The following PARN variants were observed in gnomAD, a reference collection of about 807,000 sequenced individuals.
The protein encoded by PARN is poly(A)-specific ribonuclease, also known as poly(A)-specific ribonuclease PARN.
A neutral mutation model predicts 102.8 loss-of-function variants in PARN; 71 were observed. The observed-to-expected ratio is 0.69, with a 90% CI of 0.57 to 0.84. The LOEUF is 0.84. Ranked by LOEUF, PARN falls within the 40% of genes least tolerant of loss-of-function variation. The pLI is 0.00. For missense variants in PARN, 782 were observed against 760.9 expected (o/e 1.03, Z -0.33); for synonymous variants, 261 against 252.9 (o/e 1.03, Z -0.30).
chr16:14,480,542 G>T (rs1187342730), intron 22 of PARN, among the ~76,000 whole-genome samples: 1 of 152,150 alleles, frequency 6.6e-6, no homozygotes, highest in African/African-American at 2.4e-5. Context: ...CCACCTCATT[G>T]GTCAACAAGA....
intron 22 of PARN, among the ~76,000 whole-genome samples, chr16:14,470,703 C>T (rs941779692): frequency 6.6e-6 from 1 of 152,118 alleles, no homozygotes; most frequent in Non-Finnish European, 1.5e-5. Flanking sequence ...AAGTGATCTG[C>T]CCATCTCAGC....
At chr16:14,516,822 T>C (rs768270267) in intron 21 of PARN, among the ~76,000 whole-genome samples, 6 of 152,232 alleles carry the variant, frequency 3.9e-5, no homozygotes, top group Non-Finnish European at 7.3e-5. Flanking sequence ...ATGATGGTTA[T>C]AAGCGTTAGC....
intron 6 of PARN, among the ~76,000 whole-genome samples, chr16:14,616,862 G>A (rs921807259): frequency 1.8e-4 from 27 of 152,072 alleles, no homozygotes; most frequent in African/African-American, 6.0e-4. Context: ...AGCATCAGTG[G>A]AATACAGGAC....
chr16:14,483,351 G>A (rs1044898755), intron 21 of PARN, among the ~76,000 whole-genome samples: 4 of 152,090 alleles, frequency 2.6e-5, no homozygotes, highest in African/African-American at 4.8e-5. Context: ...TTCATAGTAC[G>A]CTTGCAAGAG....
chr16:14,615,232 T>C (rs1181558839), intron 6 of PARN, among the ~76,000 whole-genome samples: 1 of 150,754 alleles, frequency 6.6e-6, no homozygotes, highest in Non-Finnish European at 1.5e-5. Flanking sequence ...GTGACTAAAA[T>C]ATTCCAGGGC....
intron 18 of PARN, among the ~76,000 whole-genome samples, chr16:14,564,710 T>C (rs1296123877): frequency 3.9e-5 from 6 of 152,184 alleles, no homozygotes; most frequent in Non-Finnish European, 8.8e-5. Context: ...TTCTGGTCTC[T>C]CTTCCTAGCA....
At chr16:14,597,713 T>G (rs115849968) in intron 12 of PARN, among the ~76,000 whole-genome samples, 2,126 of 151,054 alleles carry the variant, frequency 0.014, 44 homozygotes, top group African/African-American at 0.046. Context: ...AAAAAAAAAA[T>G]TGATCGACAT....
intron 18 of PARN, among the ~76,000 whole-genome samples, chr16:14,575,522 A>G (rs905329940): frequency 2.0e-5 from 3 of 152,194 alleles, no homozygotes; most frequent in African/African-American, 4.8e-5. Flanking sequence ...CACACAGGTA[A>G]TAAGAGCCTG....
chr16:14,594,554 A>C (rs1223665762), intron 12 of PARN, among the ~76,000 whole-genome samples: 1 of 152,160 alleles, frequency 6.6e-6, no homozygotes, highest in African/African-American at 2.4e-5. Flanking sequence ...GTATCTACTA[A>C]AAACACAAAA....
Position 14,584,780 on chromosome 16 carries a change from G to C in PARN, c.974C>G (p.Thr325Ser), listed in dbSNP as rs1421280930. 6.4e-7 allele frequency: 1 copy of C among 1,555,320 alleles called. No individual in the cohort carries two copies. The change falls in exon 15 of 24, where the codon ACT (threonine) becomes AGT (serine). Residue 325 changes from threonine to serine, a missense_variant. By Grantham distance (58) the Thr-to-Ser change is moderately conservative. Transcript: ENST00000437198. ...AGGTTGTGTGCTGGCCATCAATTTA[G>C]TATCCAAGAGTCTAAAAAGAATTTT... ...TTCVFPRLLD[T>S]KLMASTQPFK...
intron 21 of PARN, among the ~76,000 whole-genome samples, chr16:14,490,800 T>A (rs1964016529): frequency 6.6e-6 from 1 of 152,158 alleles, no homozygotes; most frequent in Non-Finnish European, 1.5e-5. Context: ...TTTTTCATAT[T>A]CCATAAAGTT....
chr16:14,604,305 G>C, intron 10 of PARN, 79 bp from the exon 11 acceptor site: 1 of 875,906 alleles, frequency 1.1e-6, no homozygotes, highest in Non-Finnish European at 1.8e-6. Context: ...TTGTTGCTCA[G>C]GCTGGAGTGC....
chr16:14,568,966 C>G (rs1037478145), intron 18 of PARN, among the ~76,000 whole-genome samples: 3 of 151,950 alleles, frequency 2.0e-5, no homozygotes, highest in Non-Finnish European at 4.4e-5. Context: ...AAACCCAACA[C>G]TTTGAGAGGC....
chr16:14,548,291 C>G (rs1412624960), intron 21 of PARN, among the ~76,000 whole-genome samples: 2 of 151,268 alleles, frequency 1.3e-5, no homozygotes, highest in Non-Finnish European at 3.0e-5. Context: ...CATCAGATAC[C>G]CTGGGTCCTT....
At chr16:14,525,153 G>T (rs1417762141) in intron 21 of PARN, among the ~76,000 whole-genome samples, 3 of 152,134 alleles carry the variant, frequency 2.0e-5, no homozygotes, top group Non-Finnish European at 4.4e-5. Context: ...CTAAGAAAAA[G>T]ATCCGGATTA....
At chr16:14,444,838 G>C (rs1416035713) in intron 23 of PARN, among the ~76,000 whole-genome samples, 1 of 152,102 alleles carries the variant, frequency 6.6e-6, no homozygotes, top group Non-Finnish European at 1.5e-5. Context: ...TTCTTTTCTT[G>C]AGACAAGGTC....
chr16:14,564,520 C>A (rs538890896), intron 18 of PARN, among the ~76,000 whole-genome samples: 30 of 152,312 alleles, frequency 2.0e-4, no homozygotes, highest in African/African-American at 6.7e-4. Context: ...GGCACACCTG[C>A]TCCCACACAC....
chr16:14,505,756 C>T (rs1964861230), intron 21 of PARN, among the ~76,000 whole-genome samples: 1 of 152,126 alleles, frequency 6.6e-6, no homozygotes, highest in South Asian at 2.1e-4. Context: ...AAAATAATAT[C>T]AACCAATTAA....
chr16:14,502,430 T>C (rs914785007), intron 21 of PARN, among the ~76,000 whole-genome samples: 3 of 152,050 alleles, frequency 2.0e-5, no homozygotes, highest in African/African-American at 7.2e-5. Context: ...TGTACACACA[T>C]GTGTGAACAC....
Sources: allele counts gnomAD v4.1 joint callset (sites outside exome capture counted in the v4.1 genomes callset), GRCh38; gene constraint gnomAD v4.1.1; transcripts MANE v1.5; gene names NCBI Gene and HGNC (gene_info 2026-07-23, HGNC 2026-07-21).